Variants in CEP70 observed in about 807,000 individuals in gnomAD.
CEP70 encodes centrosomal protein of 70 kDa.
A neutral mutation model predicts 90.9 loss-of-function variants in CEP70; 70 were observed. The observed-to-expected ratio is 0.77, with a 90% CI of 0.64 to 0.94. CEP70 has a LOEUF of 0.94. CEP70 is among the 40% of genes least tolerant of loss of function. CEP70 has a pLI of 0.00. For synonymous variants in CEP70, 220 were observed against 228.3 expected (o/e 0.96, Z 0.33); for missense variants, 648 against 669.0 (o/e 0.97, Z 0.35).
At chr3:138,529,339 A>G (rs1348073930) in intron 9 of CEP70, 36 bp downstream of exon 9, 2 of 1,564,146 alleles carry the variant, frequency 1.3e-6, no homozygotes, top group Admixed American at 3.6e-5. Flanking sequence ...TACTTAGTTT[A>G]TTAAAAAGTA....
intron 2 of CEP70, among the ~76,000 whole-genome samples, chr3:138,581,424 C>T (rs2041849807): frequency 6.6e-6 from 1 of 151,840 alleles, no homozygotes. Context: ...TTTATTCAGG[C>T]CGGGCGCAGT....
intron 6 of CEP70, among the ~76,000 whole-genome samples, chr3:138,565,978 G>GA (rs1232589913): frequency 2.6e-5 from 4 of 151,250 alleles, no homozygotes; most frequent in East Asian, 3.9e-4. Flanking sequence ...AAATTTACAA[G>GA]AAAAAAAACA....
intron 16 of CEP70, 123 bp from the exon 17 acceptor site, chr3:138,498,233 T>G: frequency 3.1e-6 from 2 of 635,908 alleles, no homozygotes; most frequent in Non-Finnish European, 5.3e-6. Context: ...TAATGATCAT[T>G]TACTACAGTC....
intron 6 of CEP70, among the ~76,000 whole-genome samples, chr3:138,544,357 CAA>C (rs59364039): frequency 6.6e-4 from 90 of 135,966 alleles, no homozygotes; most frequent in African/African-American, 7.3e-4. Context: ...ACTCAAAAGA[CAA>C]AAAAAAAAAA....
chr3:138,556,527 CAAAAAAAA>C (rs57583939), intron 6 of CEP70, among the ~76,000 whole-genome samples: 1 of 69,608 alleles, frequency 1.4e-5, no homozygotes, highest in East Asian at 4.8e-4. Flanking sequence ...GACTCTGTCT[CAAAAAAAA>C]AAAAAAAAAA....
At position 138,519,520 on chromosome 3, in the gene CEP70, G is replaced by C. The variant is rs564277992; in HGVS notation, c.944+5970C>G. 2.6e-5 allele frequency among the ~76,000 whole-genome samples: 4 copies of C among 152,212 alleles called. No homozygotes were observed. In the South Asian group the frequency reaches 6.2e-4, roughly 24 times the overall value. ...TCTACAAACCAGAAGAGAGTGGGGG[G>C]CAATATTCAACATTCTTAAAGAAAA... On this transcript the variant is annotated intron_variant, in intron 11 of 17. Transcript: ENST00000264982.
At chr3:138,510,124 T>A (rs2035383378) in intron 11 of CEP70, among the ~76,000 whole-genome samples, 1 of 152,012 alleles carries the variant, frequency 6.6e-6, no homozygotes, top group African/African-American at 2.4e-5. Flanking sequence ...AGTTTTGCTG[T>A]TGGACCTCAA....
intron 6 of CEP70, among the ~76,000 whole-genome samples, chr3:138,566,479 G>A (rs1303486430): frequency 2.0e-5 from 3 of 152,072 alleles, no homozygotes; most frequent in South Asian, 2.1e-4. Flanking sequence ...TATACATCAC[G>A]GAATACTATG....
intron 11 of CEP70, 103 bp from the exon 12 acceptor site, chr3:138,508,647 A>G (rs1434231405): frequency 1.3e-6 from 1 of 744,028 alleles, no homozygotes; most frequent in East Asian, 2.5e-5. Flanking sequence ...CAACAGCCTT[A>G]TATCACTTTA....
rs146232199 is a variant in CEP70, at chr3:138,562,075, C to T, written c.465+8243G>A. On this transcript the variant is annotated intron_variant, in intron 6 of 17. Transcript: ENST00000264982. ...TGAAGCATACACAAGTATCAGTAGCCGAACTGATCAAGCAGAAGAAAGGAT... is the reference window on the plus strand; with the variant it reads ...TGAAGCATACACAAGTATCAGTAGCTGAACTGATCAAGCAGAAGAAAGGAT... Among the ~76,000 whole-genome samples the T allele has an allele frequency of 3.8e-3, 569 of 149,182 alleles. 3 individuals carry two copies. Among genetic ancestry groups the T allele is most frequent in the African/African-American group, 0.013 (546 of 40,604 alleles).
Position 138,564,542 on chromosome 3 carries a change from C to A in CEP70, c.465+5776G>T, listed in dbSNP as rs1048198582. Among the ~76,000 whole-genome samples, 6 of 152,184 alleles carry A rather than the reference C, an allele frequency of 3.9e-5. No individual in the cohort carries two copies. The East Asian group carries it at 1.2e-3, about 29-fold the overall frequency. Reference sequence around the variant, plus strand: ...TCTCTGGGATGCAAGGCTGGTTTGACACATGCAAATCAATAAATGTAATCC... The same window carrying A: ...TCTCTGGGATGCAAGGCTGGTTTGAAACATGCAAATCAATAAATGTAATCC... On this transcript the variant is annotated intron_variant, in intron 6 of 17. Transcript: ENST00000264982.
intron 1 of CEP70, among the ~76,000 whole-genome samples, chr3:138,592,574 CGGAGGGTAGGAGTT>C (rs1220700957): frequency 1.3e-5 from 2 of 151,592 alleles, no homozygotes; most frequent in African/African-American, 4.9e-5. Context: ...GGGTAGGAGT[CGGAGGGTAGGAGTT>C]GATTTGTACA....
At position 138,500,388 on chromosome 3, in the gene CEP70, T is replaced by C. The variant is rs373085659; in HGVS notation, c.1537+11A>G. On this transcript the variant is annotated intron_variant, in intron 15 of 17. Transcript: ENST00000264982. Reference sequence around the variant, plus strand: ...TAAATGGGGGCCCAAAATGACAAATTAGGTCATCACCTAATTCTAAGAGTT... The same window carrying C: ...TAAATGGGGGCCCAAAATGACAAATCAGGTCATCACCTAATTCTAAGAGTT... The C allele has an allele frequency of 7.0e-6, 11 of 1,566,200 alleles. No individual in the cohort carries two copies. Among genetic ancestry groups the C allele is most frequent in the Non-Finnish European group, 8.6e-6 (10 of 1,162,310 alleles).
At chr3:138,576,416 C>T (rs191986588) in intron 2 of CEP70, among the ~76,000 whole-genome samples, 140 of 152,190 alleles carry the variant, frequency 9.2e-4, no homozygotes, top group African/African-American at 3.3e-3. Flanking sequence ...CCTAAATATA[C>T]ACGCACCCAA....
At chr3:138,581,401 T>C (rs769533619) in intron 2 of CEP70, among the ~76,000 whole-genome samples, 15 of 146,230 alleles carry the variant, frequency 1.0e-4, no homozygotes, top group Middle Eastern at 4.0e-3. Flanking sequence ...TAGAAAGAGA[T>C]AGGGGTAGAA....
chr3:138,521,645 C>T (rs954776315), intron 11 of CEP70, among the ~76,000 whole-genome samples: 32 of 149,090 alleles, frequency 2.1e-4, no homozygotes, highest in South Asian at 1.1e-3. Flanking sequence ...TGCCTCTGCC[C>T]GGCCGCGACC....
At chr3:138,541,660 C>T (rs2038778600) in intron 6 of CEP70, among the ~76,000 whole-genome samples, 1 of 152,156 alleles carries the variant, frequency 6.6e-6, no homozygotes, top group Non-Finnish European at 1.5e-5. Flanking sequence ...ACGCAGAATA[C>T]TCTAATAATA....
At chr3:138,524,202 T>C (rs1188449233) in intron 11 of CEP70, among the ~76,000 whole-genome samples, 4 of 151,724 alleles carry the variant, frequency 2.6e-5, no homozygotes, top group Admixed American at 6.6e-5. Context: ...ATTCCTTCCT[T>C]ACACCTTATA....
At chr3:138,545,490 T>C (rs1212193583) in intron 6 of CEP70, among the ~76,000 whole-genome samples, 1 of 152,174 alleles carries the variant, frequency 6.6e-6, no homozygotes, top group Non-Finnish European at 1.5e-5. Context: ...GTAAAACATG[T>C]GTGTTTGAAC....
Sources: gnomAD v4.1 joint callset for allele counts (sites outside exome capture counted in the v4.1 genomes callset) on GRCh38, gnomAD v4.1.1 for gene constraint, MANE v1.5 for transcripts, NCBI Gene and HGNC (gene_info 2026-07-23, HGNC 2026-07-21) for gene names.